ABCB1: variants seen among roughly 807,000 people sequenced by gnomAD.
ABCB1 encodes the protein ATP-dependent translocase ABCB1.
A neutral mutation model predicts 142.0 loss-of-function variants in ABCB1; 69 were observed. That is an observed-to-expected ratio of 0.49 (90% CI 0.40 to 0.59). The LOEUF (loss-of-function observed/expected upper bound fraction) is 0.59. ABCB1 is among the 20% of genes least tolerant of loss of function. The probability of loss-of-function intolerance (pLI) is 0.00; values close to 1 mark genes in which losing one functional copy is unlikely to be tolerated. For synonymous variants in ABCB1, 532 were observed against 539.2 expected, an observed-to-expected ratio of 0.99 and a Z score of 0.18; for missense variants, 1,326 against 1,554.7, an observed-to-expected ratio of 0.85 and a Z score of 2.47.
chr7:87,516,729 T>TA, intron 23 of ABCB1, 64 bp from the exon 24 acceptor site: 1 of 925,350 alleles, frequency 1.1e-6, no homozygotes, highest in Non-Finnish European at 1.6e-6. Context: ...AAGCTGACAC[T>TA]CCTTTTTTTT....
At chr7:87,710,660 A>G in intron 1 of ABCB1, 1 of 1,511,224 alleles carries the variant, frequency 6.6e-7, no homozygotes, top group Non-Finnish European at 9.0e-7. Flanking sequence ...AACCAGGTTT[A>G]AAAGTCCTTT....
At chr7:87,583,288 T>C (rs1040157343) in intron 4 of ABCB1, among the ~76,000 whole-genome samples, 4 of 152,198 alleles carry the variant, frequency 2.6e-5, no homozygotes, top group African/African-American at 9.6e-5. Context: ...ATAACTAAAG[T>C]ATGAATAAAT....
Position 87,552,486 on chromosome 7 carries a change from T to C in ABCB1, c.999+1275A>G, listed in dbSNP as rs796123554. Among the ~76,000 whole-genome samples the C allele has an allele frequency of 3.2e-4, 48 of 152,236 alleles. No homozygotes were observed. In the East Asian group the frequency reaches 3.9e-3, roughly 12 times the overall value. On this transcript the variant is annotated intron_variant, in intron 9 of 27. Transcript: ENST00000622132. ...TGACAAAGCTGCCATTTGAATCAAG[T>C]TGGTCCGATATCAAACCCCACACTC...
chr7:87,556,605 A>G (rs542542091), intron 8 of ABCB1, among the ~76,000 whole-genome samples: 41 of 152,154 alleles, frequency 2.7e-4, no homozygotes, highest in African/African-American at 9.4e-4. Context: ...GGTACCTGTC[A>G]CCCCTCTCCT....
intron 20 of ABCB1, among the ~76,000 whole-genome samples, chr7:87,532,286 T>C (rs1816089866): frequency 6.6e-6 from 1 of 152,134 alleles, no homozygotes; most frequent in African/African-American, 2.4e-5. Flanking sequence ...ACCTGCCTTT[T>C]CTGAAAAGGG....
At position 87,546,128 on chromosome 7, in the gene ABCB1, C is replaced by T. The variant is rs1563045087; in HGVS notation, c.1726-104G>A. The stretch of plus-strand genomic sequence containing the variant: ...AACCAATGCTGTGGGCATTGTAAAA[C>T]CATCAAATCTATATAAGATAGCCTC... On this transcript the variant is annotated intron_variant, in intron 14 of 27. Coordinates refer to ENST00000622132, the MANE Select transcript of ABCB1 (RefSeq NM_001348946.2). 8.8e-7 allele frequency: 1 copy of T among 1,139,584 alleles called. No individual in the cohort carries two copies. Among genetic ancestry groups the T allele is most frequent in the Non-Finnish European group, 1.3e-6 (1 of 761,208 alleles). The allele number at this position is 1,139,584 out of a possible 1,614,324, so 70.6% of individuals were successfully genotyped here. A position where few individuals can be genotyped will look rare whatever the true frequency, so the allele number is the denominator to read the frequency against.
rs973050770 is a variant in ABCB1, at chr7:87,549,429, G to A, written c.1644C>T (p.Asn548=). The change falls in exon 14 of 28, where the codon AAC becomes AAT. Residue 548 remains asparagine, a synonymous_variant. Coordinates refer to ENST00000622132, the MANE Select transcript of ABCB1 (RefSeq NM_001348946.2). ...CCTCATCCAGCAGGAGGATCTTGGGGTTGCGAACCAGGGCACGTGCAATGG... is the reference window on the plus strand; with the variant it reads ...CCTCATCCAGCAGGAGGATCTTGGGATTGCGAACCAGGGCACGTGCAATGG... ...RIAIARALVR[N]PKILLLDEAT... 22 of 1,614,158 alleles carry A rather than the reference G, an allele frequency of 1.4e-5. No individual in the cohort carries two copies. The highest frequency in any genetic ancestry group is 8.3e-5 in the Admixed American group (5 of 60,022).
At chr7:87,680,241 GT>G (rs1826793150) in intron 1 of ABCB1, among the ~76,000 whole-genome samples, 1 of 150,528 alleles carries the variant, frequency 6.6e-6, no homozygotes, top group African/African-American at 2.5e-5. Flanking sequence ...ATTCCATGGT[GT>G]GTATGTGCCA....
intron 1 of ABCB1, among the ~76,000 whole-genome samples, chr7:87,701,497 CA>C (rs1829032131): frequency 6.6e-6 from 1 of 152,114 alleles, no homozygotes; most frequent in Non-Finnish European, 1.5e-5. Flanking sequence ...GATGGAACTG[CA>C]TAACTTGTAT....
At chr7:87,594,423 C>A (rs147644385) in intron 3 of ABCB1, among the ~76,000 whole-genome samples, 1 of 151,940 alleles carries the variant, frequency 6.6e-6, no homozygotes, top group African/African-American at 2.4e-5. Flanking sequence ...TTCTTTTGTG[C>A]CTTAAAATGA....
chr7:87,617,622 A>C (rs1313444616), intron 1 of ABCB1, among the ~76,000 whole-genome samples: 1 of 152,162 alleles, frequency 6.6e-6, no homozygotes, highest in Non-Finnish European at 1.5e-5. Context: ...AATCACAAAG[A>C]CTGTAGTCCT....
At chr7:87,545,836 T>C in intron 15 of ABCB1, 27 bp downstream of exon 15, 9 of 1,609,806 alleles carry the variant, frequency 5.6e-6, no homozygotes, top group African/African-American at 1.3e-5. Context: ...TGAGATGACT[T>C]AGGAAAATTC....
At chr7:87,570,041 T>G (rs1330371506) in intron 5 of ABCB1, 131 bp downstream of exon 5, 2 of 823,056 alleles carry the variant, frequency 2.4e-6, no homozygotes, top group Non-Finnish European at 4.0e-6. Flanking sequence ...AGTCTACATA[T>G]ACTCTTCTAA....
At chr7:87,654,222 T>TA (rs369418550) in intron 1 of ABCB1, among the ~76,000 whole-genome samples, 3 of 151,704 alleles carry the variant, frequency 2.0e-5, no homozygotes, top group Non-Finnish European at 2.9e-5. Flanking sequence ...TTCACAGAAA[T>TA]AAAAAAGACA....
At chr7:87,517,998 T>C (rs1009970218) in intron 23 of ABCB1, among the ~76,000 whole-genome samples, 2 of 152,246 alleles carry the variant, frequency 1.3e-5, no homozygotes, top group Non-Finnish European at 2.9e-5. Flanking sequence ...AAAACTCCTT[T>C]GCTTCTTTGA....
In ABCB1 at chr7:87,630,853, TGAAAA is replaced by T. The variant is rs200125052; in HGVS notation, c.-330-29780_-330-29776del. On this transcript the variant is annotated intron_variant, in intron 1 of 28. Coordinates refer to the ABCB1 transcript ENST00000265724. The stretch of plus-strand genomic sequence containing the variant: ...CATGTGTGCCCTTATCAGAGACAGT[TGAAAA>T]GAAAAGGATTTGTATTTCAACCTTA... Among the ~76,000 whole-genome samples, 25 of 152,248 alleles carry T rather than the reference TGAAAA, an allele frequency of 1.6e-4. No homozygotes were observed. In the East Asian group the frequency reaches 3.7e-3, roughly 22 times the overall value.
intron 1 of ABCB1, among the ~76,000 whole-genome samples, chr7:87,638,209 G>A (rs1288575649): frequency 6.6e-6 from 1 of 151,960 alleles, no homozygotes; most frequent in Non-Finnish European, 1.5e-5. Context: ...TTGCATTTAG[G>A]GTGTTAATAT....
Position 87,570,182 on chromosome 7 carries a change from C to T in ABCB1, c.328G>A (p.Asp110Asn), listed in dbSNP as rs769142496. 3 of 1,612,798 alleles carry T rather than the reference C, an allele frequency of 1.9e-6. No homozygotes were observed. Residue 110 changes from aspartate (D) to asparagine (N), a missense_variant, in exon 5 of 28, where the codon GAC (aspartate) becomes AAC (asparagine). Physicochemically the swap from Asp to Asn is conservative, Grantham distance 23 (BLOSUM62 1). Coordinates refer to ENST00000622132, the MANE Select transcript of ABCB1 (RefSeq NM_001348946.2). Reference protein sequence around the residue: ...DTGFFMNLEEDMTRYAYYYSG... With the variant: ...DTGFFMNLEENMTRYAYYYSG... ...AGAATGTCTAATTACCTGGTCATGT[C>T]TTCCTCCAGATTCATGAAGAACCCT... is the stretch of plus-strand genomic sequence containing the variant.
intron 1 of ABCB1, among the ~76,000 whole-genome samples, chr7:87,614,725 C>T (rs541833429): frequency 1.2e-4 from 18 of 152,248 alleles, no homozygotes; most frequent in African/African-American, 3.6e-4. Context: ...TACATTGTTT[C>T]CTGTCTCTCC....
Sources: gnomAD v4.1 joint callset for allele counts (sites outside exome capture counted in the v4.1 genomes callset) on GRCh38, gnomAD v4.1.1 for gene constraint, MANE v1.5 for transcripts, NCBI Gene and HGNC (gene_info 2026-07-23, HGNC 2026-07-21) for gene names.